Variants in RSRC1 observed in about 807,000 individuals in gnomAD.
The protein encoded by RSRC1 is arginine and serine rich coiled-coil 1.
A neutral mutation model predicts 49.1 loss-of-function variants in RSRC1; 39 were observed. The observed-to-expected ratio is 0.79, with a 90% CI of 0.61 to 1.04. The LOEUF is 1.04. RSRC1 is among the 50% of genes least tolerant of loss of function. RSRC1 has a pLI of 0.00. For missense variants in RSRC1, 388 were observed against 402.4 expected, an observed-to-expected ratio of 0.96 and a Z score of 0.31; for synonymous variants, 143 against 130.8, an observed-to-expected ratio of 1.09 and a Z score of -0.63.
intron 7 of RSRC1, among the ~76,000 whole-genome samples, chr3:158,471,346 G>A (rs939917364): frequency 4.6e-5 from 7 of 152,086 alleles, no homozygotes; most frequent in Admixed American, 6.6e-5. Context: ...TTTTCCATCC[G>A]TGGAAGAATT....
chr3:158,518,124 G>GTATA (rs1407147567), intron 7 of RSRC1, among the ~76,000 whole-genome samples: 3 of 53,194 alleles, frequency 5.6e-5, no homozygotes, highest in East Asian at 3.3e-4. Flanking sequence ...GTGTGTGTGT[G>GTATA]TGTATATATA....
chr3:158,256,055 C>A (rs1435768553), intron 4 of RSRC1, among the ~76,000 whole-genome samples: 2 of 152,078 alleles, frequency 1.3e-5, no homozygotes, highest in Admixed American at 6.5e-5. Context: ...CCCTTTATTT[C>A]TTTGTCTTGT....
At chr3:158,380,262 T>C (rs1366576622) in intron 6 of RSRC1, among the ~76,000 whole-genome samples, 1 of 152,194 alleles carries the variant, frequency 6.6e-6, no homozygotes, top group Non-Finnish European at 1.5e-5. Flanking sequence ...ATAAATGATA[T>C]CACAGATATC....
intron 5 of RSRC1, among the ~76,000 whole-genome samples, chr3:158,326,072 T>C (rs1353032816): frequency 6.6e-6 from 1 of 152,220 alleles, no homozygotes; most frequent in East Asian, 1.9e-4. Context: ...TTTTTGTACA[T>C]TGATTTTGTA....
At chr3:158,515,428 C>T (rs1378342187) in intron 7 of RSRC1, among the ~76,000 whole-genome samples, 10 of 128,638 alleles carry the variant, frequency 7.8e-5, no homozygotes, top group Admixed American at 5.5e-4. Flanking sequence ...ATATTGGCCC[C>T]GACTCTCTTC....
chr3:158,437,461 GACC>G (rs905073371), intron 6 of RSRC1, among the ~76,000 whole-genome samples: 1 of 151,914 alleles, frequency 6.6e-6, no homozygotes, highest in African/African-American at 2.4e-5. Flanking sequence ...AAAGCTTATT[GACC>G]ATGATCAAGT....
chr3:158,474,655 T>C (rs990005058), intron 7 of RSRC1, among the ~76,000 whole-genome samples: 4 of 151,882 alleles, frequency 2.6e-5, no homozygotes, highest in African/African-American at 9.7e-5. Flanking sequence ...TCAGCCACTT[T>C]CTCTGCTCAT....
intron 4 of RSRC1, among the ~76,000 whole-genome samples, chr3:158,284,416 G>A (rs1326467435): frequency 6.8e-6 from 1 of 146,820 alleles, no homozygotes; most frequent in Admixed American, 6.8e-5. Flanking sequence ...CCAGTAATGG[G>A]ATGGCTGGGT....
intron 4 of RSRC1, among the ~76,000 whole-genome samples, chr3:158,265,340 T>C (rs746195282): frequency 1.3e-5 from 2 of 152,092 alleles, no homozygotes; most frequent in African/African-American, 2.4e-5. Context: ...CATTTAAAAT[T>C]TTACTCCAGG....
chr3:158,229,008 ATAAACACACATACGTGTATATGTGTG>A (rs1722721200), intron 4 of RSRC1, among the ~76,000 whole-genome samples: 1 of 118,376 alleles, frequency 8.4e-6, no homozygotes, highest in Non-Finnish European at 1.8e-5. Context: ...ATATGTGTGT[ATAAACACACATACGTGTATATGTGTG>A]TATAAACACA....
intron 3 of RSRC1, among the ~76,000 whole-genome samples, chr3:158,194,513 A>G (rs1346040246): frequency 7.9e-6 from 1 of 127,368 alleles, no homozygotes; most frequent in African/African-American, 2.9e-5. Flanking sequence ...TTTTTTAATT[A>G]TACATTAAGT....
At chr3:158,175,954 G>A (rs1211269751) in intron 3 of RSRC1, among the ~76,000 whole-genome samples, 2 of 151,890 alleles carry the variant, frequency 1.3e-5, no homozygotes, top group Non-Finnish European at 2.9e-5. Flanking sequence ...TGAGGTTCTC[G>A]TGCCATGGTT....
At chr3:158,208,203 A>G (rs1721454143) in intron 4 of RSRC1, among the ~76,000 whole-genome samples, 2 of 152,150 alleles carry the variant, frequency 1.3e-5, no homozygotes, top group African/African-American at 4.8e-5. Context: ...TCCTTTAAAC[A>G]CTGATACAGA....
intron 6 of RSRC1, among the ~76,000 whole-genome samples, chr3:158,356,533 G>C (rs2108242505): frequency 6.7e-6 from 1 of 148,888 alleles, no homozygotes. Flanking sequence ...ATAATTCATA[G>C]TTTATGTTTT....
At chr3:158,304,453 C>T (rs1727733094) in intron 5 of RSRC1, among the ~76,000 whole-genome samples, 1 of 151,998 alleles carries the variant, frequency 6.6e-6, no homozygotes, top group South Asian at 2.1e-4. Context: ...CTAGAAAATG[C>T]AAAAATAGAT....
At chr3:158,516,830 C>T (rs926108299) in intron 7 of RSRC1, among the ~76,000 whole-genome samples, 18 of 152,206 alleles carry the variant, frequency 1.2e-4, no homozygotes, top group South Asian at 2.1e-4. Flanking sequence ...CGGAAAAGTG[C>T]GGTATTCAGG....
intron 5 of RSRC1, among the ~76,000 whole-genome samples, chr3:158,305,353 A>G (rs912779052): frequency 3.9e-5 from 6 of 152,128 alleles, no homozygotes; most frequent in African/African-American, 1.2e-4. Flanking sequence ...TATGCACCTG[A>G]GGTTATTAAA....
At chr3:158,280,070 A>C (rs914434467) in intron 4 of RSRC1, among the ~76,000 whole-genome samples, 7 of 152,146 alleles carry the variant, frequency 4.6e-5, no homozygotes, top group Non-Finnish European at 1.0e-4. Context: ...CACAGAGAAT[A>C]ATCTTTTTAT....
At chr3:158,477,799 TA>T (rs372610732) in intron 7 of RSRC1, among the ~76,000 whole-genome samples, 33,415 of 61,354 alleles carry the variant, frequency 0.54, 6,871 homozygotes, top group South Asian at 0.63. Flanking sequence ...GGGAGGGATT[TA>T]TATATATATA....
Sources: allele counts gnomAD v4.1 joint callset (sites outside exome capture counted in the v4.1 genomes callset), GRCh38; gene constraint gnomAD v4.1.1; transcripts MANE v1.5; gene names NCBI Gene and HGNC (gene_info 2026-07-23, HGNC 2026-07-21).